ATP2B2: variants seen among roughly 807,000 people sequenced by gnomAD.
The protein encoded by ATP2B2 is plasma membrane calcium-transporting ATPase 2.
Under a neutral mutation model 120.0 loss-of-function variants are expected in ATP2B2, and 15 were observed. The observed-to-expected ratio is 0.12, with a 90% CI of 0.08 to 0.19. ATP2B2 has a LOEUF of 0.19. ATP2B2 is among the 10% of genes least tolerant of loss of function. The pLI, the probability that ATP2B2 is intolerant of heterozygous loss-of-function variation, is 1.00. For missense variants in ATP2B2, 1,045 were observed against 1,719.8 expected, an observed-to-expected ratio of 0.61 and a Z score of 6.94; for synonymous variants, 694 against 700.3, an observed-to-expected ratio of 0.99 and a Z score of 0.14.
At chr3:10,615,337 G>A (rs933062502) in intron 2 of ATP2B2, among the ~76,000 whole-genome samples, 1 of 152,188 alleles carries the variant, frequency 6.6e-6, no homozygotes, top group African/African-American at 2.4e-5. Context: ...TGGTGACCTG[G>A]ATTTTGTGAT....
At position 10,329,069 on chromosome 3, in the gene ATP2B2, T is replaced by G. The variant is rs972609276; in HGVS notation, c.3477A>C (p.Glu1159Asp). Residue 1159 changes from glutamate to aspartate, a missense_variant, in exon 23 of 23, where the codon GAA becomes GAC. Around this residue, in one of 11 missense-constraint regions of ATP2B2, gnomAD observed 211 missense variants for 385.1 expected, o/e 0.55. Coordinates refer to ENST00000360273, the MANE Select transcript of ATP2B2 (RefSeq NM_001001331.4). The surrounding 1 kb of genome is among the most constrained non-coding windows in gnomAD (Gnocchi z 5.9). ...TGAAGTTATGGATGGAGGTTCGAGA[T>G]TCAGGCTTTTCTAAACCTTCATAGA... is the stretch of plus-strand genomic sequence containing the variant. Reference protein sequence around the residue: ...SSLYEGLEKPESRTSIHNFMA... With the variant: ...SSLYEGLEKPDSRTSIHNFMA... The G allele has an allele frequency of 1.9e-6, 3 of 1,613,508 alleles. No individual in the cohort carries two copies. Among genetic ancestry groups the G allele is most frequent in the Non-Finnish European group, 1.7e-6 (2 of 1,179,890 alleles).
chr3:10,410,578 A>C, intron 3 of ATP2B2, 40 bp downstream of exon 3: 1 of 1,556,078 alleles, frequency 6.4e-7, no homozygotes, highest in Non-Finnish European at 8.7e-7. Flanking sequence ...TGCGGTGGCC[A>C]GGTGTGCGGG....
intron 1 of ATP2B2, among the ~76,000 whole-genome samples, chr3:10,499,451 C>T (rs1303162113): frequency 1.3e-5 from 2 of 152,224 alleles, no homozygotes; most frequent in Non-Finnish European, 2.9e-5. Context: ...AATTCCCCTC[C>T]CACGCATTAC....
chr3:10,638,088 A>G (rs1180515112), intron 1 of ATP2B2, among the ~76,000 whole-genome samples: 2 of 152,210 alleles, frequency 1.3e-5, no homozygotes, highest in Non-Finnish European at 2.9e-5. Flanking sequence ...TTTAGACATA[A>G]AAAGCTGAAA....
In ATP2B2 at chr3:10,350,503, C is replaced by G; in HGVS notation, c.2211G>C (p.Thr737=). ...VRMVTGDNIN[T]ARAIAIKCGI... The stretch of plus-strand genomic sequence containing the variant: ...CACACTTGATGGCGATGGCCCGAGC[C>G]GTGTTGATATTGTCGCCAGTGACCA... The change falls in exon 15 of 23, where the codon ACG becomes ACC. Residue 737 remains threonine, a synonymous_variant. Transcript: ENST00000360273. The G allele has an allele frequency of 1.2e-6, 2 of 1,614,220 alleles. No individual in the cohort carries two copies. The highest frequency in any genetic ancestry group is 1.7e-6 in the Non-Finnish European group (2 of 1,180,042).
At chr3:10,379,137 T>A in intron 9 of ATP2B2, 106 bp downstream of exon 9, 1 of 1,316,924 alleles carries the variant, frequency 7.6e-7, no homozygotes, top group Non-Finnish European at 1.1e-6. Context: ...TAGGAGTGGA[T>A]GTGTCTGCCT....
intron 2 of ATP2B2, among the ~76,000 whole-genome samples, chr3:10,609,594 G>C (rs1424559432): frequency 6.6e-6 from 1 of 152,242 alleles, no homozygotes; most frequent in African/African-American, 2.4e-5. Flanking sequence ...TCCTCTGACA[G>C]GTGTGTGCAA....
intron 3 of ATP2B2, among the ~76,000 whole-genome samples, chr3:10,523,292 G>T (rs1418457108): frequency 6.6e-6 from 1 of 152,150 alleles, no homozygotes; most frequent in Admixed American, 6.5e-5. Flanking sequence ...CAATAGAAAA[G>T]AATAAAACAA....
intron 1 of ATP2B2, among the ~76,000 whole-genome samples, chr3:10,676,429 C>T (rs1448429868): frequency 6.6e-6 from 1 of 152,056 alleles, no homozygotes; most frequent in Non-Finnish European, 1.5e-5. Context: ...GCTGTCACAA[C>T]CACAGAACTA....
At chr3:10,547,065 C>T (rs949297515) in intron 2 of ATP2B2, among the ~76,000 whole-genome samples, 22 of 152,140 alleles carry the variant, frequency 1.4e-4, no homozygotes, top group African/African-American at 4.3e-4. Flanking sequence ...AACTGAGCAG[C>T]GAGAGGCCCC....
chr3:10,332,619 T>A (rs1458025774), intron 22 of ATP2B2, among the ~76,000 whole-genome samples: 3 of 152,132 alleles, frequency 2.0e-5, no homozygotes, highest in Non-Finnish European at 4.4e-5. Flanking sequence ...CTTTTCACGA[T>A]ATGAGGCTGT....
chr3:10,350,634 G>A, intron 14 of ATP2B2, 57 bp from the exon 15 acceptor site: 1 of 1,567,588 alleles, frequency 6.4e-7, no homozygotes, highest in Non-Finnish European at 8.7e-7. Flanking sequence ...GACTCCCCCT[G>A]CCTTCATGGA....
intron 1 of ATP2B2, among the ~76,000 whole-genome samples, chr3:10,466,416 G>A (rs1444134329): frequency 6.6e-6 from 1 of 152,156 alleles, no homozygotes; most frequent in Non-Finnish European, 1.5e-5. Flanking sequence ...TGTGCAGAAA[G>A]CATGTGCATT....
At chr3:10,501,295 G>C (rs2066378369) in intron 1 of ATP2B2, among the ~76,000 whole-genome samples, 1 of 152,026 alleles carries the variant, frequency 6.6e-6, no homozygotes, top group Admixed American at 6.5e-5. Flanking sequence ...GTCAAGTGAA[G>C]ACCGGGGTGA....
intron 3 of ATP2B2, among the ~76,000 whole-genome samples, chr3:10,521,918 A>T (rs2066991892): frequency 6.6e-6 from 1 of 152,212 alleles, no homozygotes; most frequent in African/African-American, 2.4e-5. Flanking sequence ...GGAGACTGAG[A>T]GTCAGCGAGG....
At chr3:10,588,504 G>C (rs1226213314) in intron 2 of ATP2B2, among the ~76,000 whole-genome samples, 2 of 152,176 alleles carry the variant, frequency 1.3e-5, no homozygotes, top group Non-Finnish European at 2.9e-5. Flanking sequence ...CGGGCACTGA[G>C]GCCATACACC....
intron 1 of ATP2B2, among the ~76,000 whole-genome samples, chr3:10,683,163 ATT>A (rs61669408): frequency 6.7e-6 from 1 of 148,172 alleles, no homozygotes; most frequent in African/African-American, 2.5e-5. Flanking sequence ...TTAAAAAAAA[ATT>A]TTTTTTTTTA....
chr3:10,548,738 C>T (rs1650935397), intron 2 of ATP2B2, among the ~76,000 whole-genome samples: 1 of 152,220 alleles, frequency 6.6e-6, no homozygotes, highest in African/African-American at 2.4e-5. Context: ...GAATCGTCAT[C>T]TTATGATCTG....
At chr3:10,537,934 T>C (rs2067354504) in intron 2 of ATP2B2, among the ~76,000 whole-genome samples, 1 of 152,176 alleles carries the variant, frequency 6.6e-6, no homozygotes, top group Admixed American at 6.5e-5. Context: ...GTTAATATGG[T>C]GGATTATATT....
Sources: gnomAD v4.1 joint callset for allele counts (sites outside exome capture counted in the v4.1 genomes callset) on GRCh38, gnomAD v4.1.1 for gene constraint, gnomAD v4.1.1 regional missense constraint, Gnocchi (gnomAD v3.1) non-coding constraint, MANE v1.5 for transcripts, NCBI Gene and HGNC (gene_info 2026-07-23, HGNC 2026-07-21) for gene names.